The following OCM variants were observed in gnomAD, a reference collection of about 807,000 sequenced individuals.
OCM encodes oncomodulin.
OCM carries 18 observed loss-of-function variants against 14.1 expected under a neutral mutation model. The observed-to-expected ratio is 1.28, with a 90% confidence interval of 0.88 to 1.89. The LOEUF is 1.89. OCM is among the 40% of genes most tolerant of loss of function. The pLI is 0.00. For missense variants in OCM, 140 were observed against 137.6 expected (o/e 1.02, Z -0.09); for synonymous variants, 48 against 51.0 (o/e 0.94, Z 0.25).
the OCM span, among the ~76,000 whole-genome samples, chr7:5,865,995 T>C: frequency 6.6e-6 from 1 of 152,056 alleles, no homozygotes; most frequent in African/African-American, 2.4e-5. Flanking sequence ...TTAAGGGCTA[T>C]TCATGAATAG....
At chr7:5,873,613 G>A in the OCM span, among the ~76,000 whole-genome samples, 1 of 151,980 alleles carries the variant, frequency 6.6e-6, no homozygotes, top group African/African-American at 2.4e-5. Context: ...CCAGAATGTT[G>A]GGATTACAGG....
At chr7:5,863,083 G>A in the OCM span, among the ~76,000 whole-genome samples, 1 of 152,168 alleles carries the variant, frequency 6.6e-6, no homozygotes, top group South Asian at 2.1e-4. Flanking sequence ...TATGTAAAAT[G>A]TAGATTTCCT....
In OCM at chr7:5,880,926, G is replaced by A; in HGVS notation, c.37G>A (p.Ala13Thr). 1.2e-6 allele frequency: 2 copies of A among 1,614,014 alleles called. No individual in the cohort carries two copies. The highest frequency in any genetic ancestry group is 1.7e-6 in the Non-Finnish European group (2 of 1,179,956). Residue 13 changes from alanine to threonine, a missense_variant, in exon 1 of 4, where the codon GCA (alanine) becomes ACA (threonine). Ala to Thr is a moderately conservative substitution (Grantham distance 58). Transcript: ENST00000242104. ...ITDVLSADDI[A>T]AALQECRDPD... Reference sequence around the variant, plus strand: ...GGACGTGCTCAGTGCTGACGACATTGCAGCAGCGCTCCAGGAATGCCGAGG... The same window carrying A: ...GGACGTGCTCAGTGCTGACGACATTACAGCAGCGCTCCAGGAATGCCGAGG...
chr7:5,872,218 G>A, the OCM span, among the ~76,000 whole-genome samples: 3 of 152,180 alleles, frequency 2.0e-5, no homozygotes, highest in Non-Finnish European at 2.9e-5. Flanking sequence ...CTTATAGACG[G>A]GGTCTGTGTG....
intron 2 of OCM, 59 bp downstream of exon 2, chr7:5,882,684 G>C (rs1181339712): frequency 2.1e-5 from 34 of 1,595,590 alleles, no homozygotes; most frequent in Non-Finnish European, 2.8e-5. Context: ...CTGGGGTGCA[G>C]TGGGGGCCAG....
upstream of OCM, among the ~76,000 whole-genome samples, chr7:5,877,341 G>A (rs1375539742): frequency 6.6e-6 from 1 of 151,442 alleles, no homozygotes; most frequent in Non-Finnish European, 1.5e-5. Flanking sequence ...GGTGGTGTGT[G>A]CCTATAGTCC....
the OCM span, among the ~76,000 whole-genome samples, chr7:5,871,410 T>A: frequency 6.6e-6 from 1 of 150,854 alleles, no homozygotes; most frequent in African/African-American, 2.4e-5. Context: ...CCTAGGCTGG[T>A]CTTAAACTCC....
At chr7:5,869,607 A>T in the OCM span, among the ~76,000 whole-genome samples, 2 of 152,230 alleles carry the variant, frequency 1.3e-5, no homozygotes, top group South Asian at 2.1e-4. Context: ...AAGAAAATTT[A>T]AAAATTTAAA....
upstream of OCM, among the ~76,000 whole-genome samples, chr7:5,876,161 A>G (rs1007400650): frequency 6.6e-6 from 1 of 152,066 alleles, no homozygotes; most frequent in African/African-American, 2.4e-5. Flanking sequence ...ATGCACCACC[A>G]CGCCGGGTTA....
In OCM at chr7:5,880,914, G is replaced by C; in HGVS notation, c.25G>C (p.Ala9Pro). The C allele has an allele frequency of 6.2e-7, 1 of 1,614,086 alleles. No homozygotes were observed. The highest frequency in any genetic ancestry group is 2.2e-5 in the East Asian group (1 of 44,884). MSITDVLS[A>P]DDIAAALQEC... ...AATGAGCATCACGGACGTGCTCAGT[G>C]CTGACGACATTGCAGCAGCGCTCCA... is the stretch of plus-strand genomic sequence containing the variant. Residue 9 changes from alanine to proline, a missense_variant, in exon 1 of 4, where the codon GCT (alanine) becomes CCT (proline). Transcript: ENST00000242104.
chr7:5,860,475 G>A, the OCM span, among the ~76,000 whole-genome samples: 8 of 35,556 alleles, frequency 2.2e-4, no homozygotes, highest in South Asian at 1.7e-3. Context: ...GTATATATAC[G>A]TGTATATATA....
chr7:5,873,851 CG>C, the OCM span, among the ~76,000 whole-genome samples: 1 of 151,810 alleles, frequency 6.6e-6, no homozygotes, highest in African/African-American at 2.4e-5. Context: ...AGTGGGTCCA[CG>C]GTGCTCTCAA....
the OCM span, chr7:5,871,717 G>A: frequency 6.6e-6 from 1 of 152,180 alleles, no homozygotes; most frequent in Non-Finnish European, 1.5e-5. Context: ...TTGAACAAGA[G>A]GACTTGGATT....
the OCM span, among the ~76,000 whole-genome samples, chr7:5,860,518 ATATATACGTGTG>A: frequency 2.1e-5 from 2 of 96,858 alleles, no homozygotes; most frequent in African/African-American, 3.9e-5. Context: ...ATATACGTGT[ATATATACGTGTG>A]TATATATATT....
the OCM span, among the ~76,000 whole-genome samples, chr7:5,868,187 C>G: frequency 6.6e-6 from 1 of 152,018 alleles, no homozygotes; most frequent in African/African-American, 2.4e-5. Context: ...ACAGGGCCTA[C>G]CAAGGCTGGA....
chr7:5,871,071 G>T, the OCM span, among the ~76,000 whole-genome samples: 1 of 152,016 alleles, frequency 6.6e-6, no homozygotes, highest in African/African-American at 2.4e-5. Context: ...AGAAAGCCAG[G>T]CGCAGTGGCT....
At chr7:5,862,674 C>G in the OCM span, among the ~76,000 whole-genome samples, 1 of 151,780 alleles carries the variant, frequency 6.6e-6, no homozygotes, top group African/African-American at 2.4e-5. Flanking sequence ...TTTACTCCCT[C>G]TTTTCACGTT....
At chr7:5,865,762 G>A in the OCM span, among the ~76,000 whole-genome samples, 5 of 152,116 alleles carry the variant, frequency 3.3e-5, no homozygotes, top group East Asian at 1.9e-4. Context: ...CTGGGCTTGG[G>A]CAACACATAC....
the OCM span, among the ~76,000 whole-genome samples, chr7:5,872,498 A>C: frequency 6.6e-6 from 1 of 152,140 alleles, no homozygotes; most frequent in African/African-American, 2.4e-5. Context: ...CCCATCCCCC[A>C]CGTCACCACA....
Sources: allele counts gnomAD v4.1 joint callset (sites outside exome capture counted in the v4.1 genomes callset), GRCh38; gene constraint gnomAD v4.1.1; transcripts MANE v1.5; gene names NCBI Gene and HGNC (gene_info 2026-07-23, HGNC 2026-07-21).